The following ATP1A1 variants were observed in gnomAD, a reference collection of about 807,000 sequenced individuals.
ATP1A1 encodes sodium/potassium-transporting ATPase subunit alpha-1.
In ATP1A1, 14 loss-of-function variants were observed where a neutral mutation model predicts 114.8. That is an observed-to-expected ratio of 0.12 (90% CI 0.08 to 0.19). The LOEUF (loss-of-function observed/expected upper bound fraction) is 0.19. ATP1A1 is among the 10% of genes least tolerant of loss of function. The pLI is 1.00. For missense variants in ATP1A1, 524 were observed against 1,290.7 expected (o/e 0.41, Z 9.10); for synonymous variants, 471 against 466.3 (o/e 1.01, Z -0.13).
intron 9 of ATP1A1, 130 bp downstream of exon 9, chr1:116,390,541 T>TC: frequency 9.5e-7 from 1 of 1,049,390 alleles, no homozygotes; most frequent in Non-Finnish European, 1.4e-6. Context: ...TTTTTGTTTT[T>TC]TTTTTTTTTA....
chr1:116,383,389 G>A, intron 1 of ATP1A1: 1 of 997,654 alleles, frequency 1.0e-6, no homozygotes, highest in Non-Finnish European at 1.2e-6. Context: ...TAATGTCTTT[G>A]CAAAGCAAAG....
chr1:116,374,191 G>C (rs1651196926), intron 1 of ATP1A1: 2 of 1,550,512 alleles, frequency 1.3e-6, no homozygotes, highest in South Asian at 1.2e-5. Context: ...CCGGCTGGGC[G>C]GGCTGGTGCC....
At position 116,390,529 on chromosome 1, in the gene ATP1A1, C is replaced by CTTTTT. The variant is rs1261190970; in HGVS notation, c.1222+120_1222+124dup. 2.6e-5 allele frequency: 24 copies of CTTTTT among 911,700 alleles called. No individual in the cohort carries two copies. In the African/African-American group the frequency reaches 2.9e-4, roughly 11 times the overall value. The allele number at this position is 911,700 out of a possible 1,614,324, so 56.5% of individuals were successfully genotyped here. A position where few individuals can be genotyped will look rare whatever the true frequency, so the allele number is the denominator to read the frequency against. ...TTAAGCTCATGGCAGCTTTTTCTTT[C>CTTTTT]TTTTTTGTTTTTTTTTTTTTTATCA... On this transcript the variant is annotated intron_variant, in intron 9 of 22. Coordinates refer to ENST00000295598, the MANE Select transcript of ATP1A1 (RefSeq NM_000701.8).
chr1:116,398,177 T>C lies in ATP1A1; in HGVS notation c.2124+139T>C. 8.1e-7 allele frequency: 1 copy of C among 1,237,218 alleles called. No individual in the cohort carries two copies. The highest frequency in any genetic ancestry group is 1.1e-6 in the Non-Finnish European group (1 of 907,640). The allele number at this position is 1,237,218 out of a possible 1,614,324, so 76.6% of individuals were successfully genotyped here. A position where few individuals can be genotyped will look rare whatever the true frequency, so the allele number is the denominator to read the frequency against. On this transcript the variant is annotated intron_variant, in intron 15 of 22. Coordinates refer to ENST00000295598, the MANE Select transcript of ATP1A1 (RefSeq NM_000701.8). The surrounding 1 kb of genome is among the most constrained non-coding windows in gnomAD (Gnocchi z 6.1). Reference sequence around the variant, plus strand: ...CAGTATAAATAGGCCAGTAGGAAGCTCATAGGCATAGAGAGGGTGACTTGT... The same window carrying C: ...CAGTATAAATAGGCCAGTAGGAAGCCCATAGGCATAGAGAGGGTGACTTGT...
Position 116,403,823 on chromosome 1 carries a change from CTCTT to C in ATP1A1, c.2952-55_2952-52del, listed in dbSNP as rs533448995. On this transcript the variant is annotated intron_variant, in intron 21 of 22. Coordinates refer to ENST00000295598, the MANE Select transcript of ATP1A1 (RefSeq NM_000701.8). ...CATTGTCACTGGTGATGTGCAATTT[CTCTT>C]TCTTTATTTGAACTGTGTTCGTGTG... 2.3e-4 allele frequency: 332 copies of C among 1,426,772 alleles called. No individual in the cohort carries two copies. In the African/African-American group the frequency reaches 3.0e-3, roughly 13 times the overall value. The allele number at this position is 1,426,772 out of a possible 1,614,324, so 88.4% of individuals were successfully genotyped here.
Position 116,392,920 on chromosome 1 carries a change from G to T in ATP1A1, c.1399G>T (p.Val467Leu). ...GTGCATAGAGCTGTGCTGTGGTTCC[G>T]TGAAGGAGATGAGAGAAAGATACGC... ...LKCIELCCGS[V>L]KEMRERYAKI... Residue 467 changes from valine to leucine, a missense_variant, in exon 11 of 23, where the codon GTG becomes TTG. Val to Leu is a conservative substitution (Grantham distance 32). This residue lies in a region of ATP1A1 where 143 missense variants were observed against 259.3 expected (regional missense o/e 0.55). Transcript: ENST00000295598. The T allele has an allele frequency of 6.2e-7, 1 of 1,614,140 alleles. No homozygotes were observed.
Position 116,397,625 on chromosome 1 carries a change from G to C in ATP1A1, c.1974-263G>C, listed in dbSNP as rs1018688610. Among the ~76,000 whole-genome samples, 1 of 152,144 alleles carries C rather than the reference G, an allele frequency of 6.6e-6. No homozygotes were observed. Among genetic ancestry groups the C allele is most frequent in the Non-Finnish European group, 1.5e-5 (1 of 68,020 alleles). The stretch of plus-strand genomic sequence containing the variant: ...CCAGCTAAAACTTGGTTATATTTCA[G>C]CATGTCTAATAAAGATAGGGAAAGG... On this transcript the variant is annotated intron_variant, in intron 14 of 22. Coordinates refer to ENST00000295598, the MANE Select transcript of ATP1A1 (RefSeq NM_000701.8). The surrounding 1 kb of genome is among the most constrained non-coding windows in gnomAD (Gnocchi z 4.2).
At chr1:116,390,526 T>C in intron 9 of ATP1A1, 115 bp downstream of exon 9, 2 of 1,102,010 alleles carry the variant, frequency 1.8e-6, no homozygotes, top group Non-Finnish European at 2.5e-6. Flanking sequence ...CAGCTTTTTC[T>C]TTCTTTTTTG....
rs760556495 is a variant in ATP1A1, at chr1:116,400,925, C to A, written c.2637C>A (p.Leu879=). ...YFVILAENGF[L]PIHLLGLRVD... ...TGATTCTGGCTGAGAACGGCTTCCT[C>A]CCAATTCACCTGTTGGGCCTCCGAG... The change falls in exon 19 of 23, where the codon CTC becomes CTA. Residue 879 remains leucine (L), a synonymous_variant. Coordinates refer to ENST00000295598, the MANE Select transcript of ATP1A1 (RefSeq NM_000701.8). The A allele has an allele frequency of 1.2e-6, 2 of 1,614,206 alleles. No individual in the cohort carries two copies. The highest frequency in any genetic ancestry group is 1.1e-5 in the South Asian group (1 of 91,080).
In ATP1A1 at chr1:116,404,504, CCT is replaced by C. The variant is rs1388375164; in HGVS notation, c.*63_*64del. The C allele has an allele frequency of 7.7e-6, 12 of 1,568,468 alleles. No homozygotes were observed. The highest frequency in any genetic ancestry group is 2.8e-5 in the African/African-American group (2 of 71,810). ...CACACTCTGCATCCGACACCCACCC[CCT>C]CTTTGTGTACTTCAGTCTTGGAGTT... On this transcript the variant is annotated 3_prime_UTR_variant, in exon 23 of 23. Coordinates refer to ENST00000295598, the MANE Select transcript of ATP1A1 (RefSeq NM_000701.8). The surrounding 1 kb of genome is among the most constrained non-coding windows in gnomAD (Gnocchi z 4.8).
Position 116,395,365 on chromosome 1 carries a change from C to T in ATP1A1, c.1836+80C>T. 6.7e-7 allele frequency: 1 copy of T among 1,481,528 alleles called. No individual in the cohort carries two copies. The highest frequency in any genetic ancestry group is 2.3e-5 in the East Asian group (1 of 43,200). 91.8% of individuals were successfully genotyped at this position (1,481,528 alleles called of 1,614,324 possible). A position where few individuals can be genotyped will look rare whatever the true frequency, so the allele number is the denominator to read the frequency against. On this transcript the variant is annotated intron_variant, in intron 13 of 22. Transcript: ENST00000295598. This position sits in a 1 kb window ranked among gnomAD's most constrained non-coding sequence, Gnocchi z 6.4. ...TCAGTGAATGTTGCCTTTTGAGGTC[C>T]AGATGGCCAGCTGTTCTATCTCACC... is the stretch of plus-strand genomic sequence containing the variant.
chr1:116,390,971 C>A, intron 10 of ATP1A1, 80 bp downstream of exon 10: 1 of 1,243,802 alleles, frequency 8.0e-7, no homozygotes, highest in Non-Finnish European at 1.2e-6. Context: ...TAGCAAATTA[C>A]CTTTGTGGTC....
rs1004637855 is a variant in ATP1A1 at position 116,381,472 on chromosome 1, G to A, written c.13-2542G>A. Among the ~76,000 whole-genome samples the A allele has an allele frequency of 3.9e-5, 6 of 152,176 alleles. No individual in the cohort carries two copies. Among genetic ancestry groups the A allele is most frequent in the Non-Finnish European group, 7.3e-5 (5 of 68,036 alleles). ...TGCCTGGTTCTTCTAGACACACATT[G>A]CCTAGTGAAAAAATTAAAATTTTGA... On this transcript the variant is annotated intron_variant, in intron 1 of 22. Transcript: ENST00000295598. This position sits in a 1 kb window ranked among gnomAD's most constrained non-coding sequence, Gnocchi z 5.1.
chr1:116,401,792 G>A lies in ATP1A1; in HGVS notation c.2951+137G>A. The A allele has an allele frequency of 2.5e-6, 2 of 787,766 alleles. No individual in the cohort carries two copies. Among genetic ancestry groups the A allele is most frequent in the Non-Finnish European group, 4.2e-6 (2 of 480,722 alleles). 48.8% of individuals were successfully genotyped at this position (787,766 alleles called of 1,614,324 possible). On this transcript the variant is annotated intron_variant, in intron 21 of 22. Coordinates refer to ENST00000295598, the MANE Select transcript of ATP1A1 (RefSeq NM_000701.8). This position sits in a 1 kb window ranked among gnomAD's most constrained non-coding sequence, Gnocchi z 4.7. ...AAATTCCTATGGGTTGGAAAACTGT[G>A]AAAGCTTGACATGTCAGTAAATCAG...
chr1:116,387,277 C>A lies in ATP1A1; in HGVS notation c.184-11C>A, dbSNP rs1424270504. The A allele has an allele frequency of 6.2e-7, 1 of 1,613,884 alleles. No homozygotes were observed. Reference sequence around the variant, plus strand: ...TACAGTTTGCCTTATTTATATTCCACTGCTTCTCAGGGATTAACATCTGCT... The same window carrying A: ...TACAGTTTGCCTTATTTATATTCCAATGCTTCTCAGGGATTAACATCTGCT... On this transcript the variant is annotated splice_polypyrimidine_tract_variant and intron_variant, in intron 3 of 22. Coordinates refer to ENST00000295598, the MANE Select transcript of ATP1A1 (RefSeq NM_000701.8). The surrounding 1 kb of genome is among the most constrained non-coding windows in gnomAD (Gnocchi z 6.7).
In ATP1A1 at chr1:116,388,255, C is replaced by CT. The variant is rs1442131055; in HGVS notation, c.501+14dup. 2 of 1,584,826 alleles carry CT rather than the reference C, an allele frequency of 1.3e-6. No homozygotes were observed. Among genetic ancestry groups the CT allele is most frequent in the Admixed American group, 1.7e-5 (1 of 59,930 alleles). ...AACATGGTCCCTCAGGTACCAGACG[C>CT]TTTGTCCTTCCCCAGTGGATGACTT... On this transcript the variant is annotated intron_variant, in intron 5 of 22. Coordinates refer to ENST00000295598, the MANE Select transcript of ATP1A1 (RefSeq NM_000701.8). The surrounding 1 kb of genome is among the most constrained non-coding windows in gnomAD (Gnocchi z 5.6).
In ATP1A1 at chr1:116,373,379, C is replaced by T. The variant is rs1194765456; in HGVS notation, c.-133C>T. 4 of 464,834 alleles carry T rather than the reference C, an allele frequency of 8.6e-6. No individual in the cohort carries two copies. The highest frequency in any genetic ancestry group is 1.4e-5 in the Non-Finnish European group (4 of 286,562). The allele number at this position is 464,834 out of a possible 1,614,324, so 28.8% of individuals were successfully genotyped here. A position where few individuals can be genotyped will look rare whatever the true frequency, so the allele number is the denominator to read the frequency against. On this transcript the variant is annotated 5_prime_UTR_variant, in exon 1 of 23. Coordinates refer to ENST00000295598, the MANE Select transcript of ATP1A1 (RefSeq NM_000701.8). ...GAGCCGCCGGCCGCCCTCCCACCCT[C>T]CCGCCCCGCGGCAGCCCTAGCTCCC...
At chr1:116,380,691 G>A (rs1452390609) in intron 1 of ATP1A1, among the ~76,000 whole-genome samples, 1 of 152,184 alleles carries the variant, frequency 6.6e-6, no homozygotes, top group Non-Finnish European at 1.5e-5. Context: ...TTTTAAGTGA[G>A]TGAACCTTGT....
At position 116,389,054 on chromosome 1, in the gene ATP1A1, G is replaced by A. The variant is rs1053411064; in HGVS notation, c.754+35G>A. On this transcript the variant is annotated intron_variant, in intron 7 of 22. Coordinates refer to ENST00000295598, the MANE Select transcript of ATP1A1 (RefSeq NM_000701.8). The surrounding 1 kb of genome is among the most constrained non-coding windows in gnomAD (Gnocchi z 6.9). ...TTTTGGGCACTTTGAGCATGGCGTG[G>A]TATTTCTCTTGGGCATTAACAAAAT... 15 of 1,559,898 alleles carry A rather than the reference G, an allele frequency of 9.6e-6. No homozygotes were observed. Among genetic ancestry groups the A allele is most frequent in the Non-Finnish European group, 1.3e-5 (15 of 1,132,370 alleles).
Sources: gnomAD v4.1 joint callset for allele counts (sites outside exome capture counted in the v4.1 genomes callset) on GRCh38, gnomAD v4.1.1 for gene constraint, gnomAD v4.1.1 regional missense constraint, Gnocchi (gnomAD v3.1) non-coding constraint, MANE v1.5 for transcripts, NCBI Gene and HGNC (gene_info 2026-07-23, HGNC 2026-07-21) for gene names.